The following HSPG2 variants were observed in gnomAD, a reference collection of about 807,000 sequenced individuals.
The protein encoded by HSPG2 is basement membrane-specific heparan sulfate proteoglycan core protein.
HSPG2 carries 278 observed loss-of-function variants against 526.6 expected under a neutral mutation model. The ratio of observed to expected loss-of-function variants is 0.53; its 90% CI spans 0.48 to 0.58. The LOEUF is 0.58. Among genes scored for constraint, HSPG2 ranks in the 20% least tolerant of loss-of-function variants. The probability of loss-of-function intolerance (pLI) is 0.00; values close to 1 mark genes in which losing one functional copy is unlikely to be tolerated. For synonymous variants in HSPG2, 2,465 were observed against 2,555.4 expected, an observed-to-expected ratio of 0.96 and a Z score of 1.07; for missense variants, 5,354 against 6,099.5, an observed-to-expected ratio of 0.88 and a Z score of 4.07.
chr1:21,835,956 C>G (rs1386544076), intron 75 of HSPG2, among the ~76,000 whole-genome samples: 1 of 127,550 alleles, frequency 7.8e-6, no homozygotes, highest in East Asian at 2.2e-4. Flanking sequence ...TGCACTCCAG[C>G]GTGGGTGACA....
intron 42 of HSPG2, 82 bp from the exon 43 acceptor site, chr1:21,857,467 C>T (rs1639432594): frequency 8.3e-7 from 1 of 1,197,686 alleles, no homozygotes. Flanking sequence ...TCCATAACCT[C>T]TAGGCATCAC....
chr1:21,867,101 G>A (rs1301234015), intron 33 of HSPG2, among the ~76,000 whole-genome samples: 3 of 122,246 alleles, frequency 2.5e-5, no homozygotes, highest in Non-Finnish European at 3.3e-5. Context: ...AGATGGGGTC[G>A]CCCTATGTTG....
intron 1 of HSPG2, among the ~76,000 whole-genome samples, chr1:21,926,764 A>C (rs1381918464): frequency 1.9e-5 from 2 of 107,102 alleles, no homozygotes; most frequent in African/African-American, 7.2e-5. Context: ...TCAGTCTCAA[A>C]AAAAAAAAAA....
chr1:21,833,783 G>T, intron 78 of HSPG2, 33 bp downstream of exon 78: 1 of 1,537,496 alleles, frequency 6.5e-7, no homozygotes, highest in Non-Finnish European at 8.9e-7. Flanking sequence ...CAGCCCCCAA[G>T]TCATGCCCGC....
At chr1:21,829,761 CT>C in intron 86 of HSPG2, 157 bp from the exon 87 acceptor site, 1 of 732,270 alleles carries the variant, frequency 1.4e-6, no homozygotes, top group Non-Finnish European at 2.2e-6. Flanking sequence ...AGGAGCCCCC[CT>C]GCCCTTGCAC....
At chr1:21,918,274 G>C (rs1309483601) in intron 1 of HSPG2, among the ~76,000 whole-genome samples, 1 of 152,118 alleles carries the variant, frequency 6.6e-6, no homozygotes, top group Non-Finnish European at 1.5e-5. Flanking sequence ...AGACCAGCCT[G>C]GCCAACATAG....
intron 47 of HSPG2, 79 bp downstream of exon 47, chr1:21,855,225 G>C: frequency 2.0e-6 from 3 of 1,516,724 alleles, no homozygotes; most frequent in Non-Finnish European, 2.7e-6. Flanking sequence ...GGGGTGGGGC[G>C]TGAAGGGGGA....
intron 26 of HSPG2, 54 bp downstream of exon 26, chr1:21,874,837 G>A: frequency 6.5e-7 from 1 of 1,533,264 alleles, no homozygotes; most frequent in South Asian, 1.2e-5. Flanking sequence ...TGGAGAAGGA[G>A]CGGGAAGCAC....
intron 37 of HSPG2, among the ~76,000 whole-genome samples, chr1:21,862,445 A>G (rs548426760): frequency 1.3e-5 from 2 of 152,094 alleles, no homozygotes; most frequent in South Asian, 2.1e-4. Context: ...TTAGCTGGGT[A>G]TGGTGGTGTG....
At position 21,842,339 on chromosome 1, in the gene HSPG2, G is replaced by C. The variant is rs776477776; in HGVS notation, c.8952C>G (p.Ala2984=). ...SQLRLHLVSP[A]DSGEYVCRAA... The stretch of plus-strand genomic sequence containing the variant: ...CACGACACACATACTCGCCTGAGTC[G>C]GCAGGGGAGACGAGGTGGAGCCGCA... The change falls in exon 68 of 97, where the codon GCC becomes GCG. Residue 2984 remains alanine (A), a synonymous_variant. Transcript: ENST00000374695. The C allele has an allele frequency of 5.8e-5, 94 of 1,611,120 alleles. No homozygotes were observed. The highest frequency in any genetic ancestry group is 7.5e-5 in the Non-Finnish European group (88 of 1,178,520).
In HSPG2 at chr1:21,832,588, C is replaced by G. The variant is rs747454683; in HGVS notation, c.11114G>C (p.Gly3705Ala). Reference sequence around the variant, plus strand: ...GGGGCTCCCTGGGACTCGCTTCTGCCCATTGTACAGCAGCATCCCTGGGTG... The same window carrying G: ...GGGGCTCCCTGGGACTCGCTTCTGCGCATTGTACAGCAGCATCCCTGGGTG... The part of the protein sequence containing the change: ...DSADGMLLYN[G>A]QKRVPGSPTN... The change falls in exon 81 of 97, where the codon GGG (glycine) becomes GCG (alanine). Residue 3705 changes from glycine to alanine, a missense_variant. Physicochemically the swap from Gly to Ala is moderately conservative, Grantham distance 60. Coordinates refer to ENST00000374695, the MANE Select transcript of HSPG2 (RefSeq NM_005529.7). The G allele has an allele frequency of 6.2e-7, 1 of 1,614,102 alleles. No individual in the cohort carries two copies. Among genetic ancestry groups the G allele is most frequent in the South Asian group, 1.1e-5 (1 of 91,086 alleles).
rs768946900 is a variant in HSPG2 at position 21,880,820 on chromosome 1, C to A, written c.1834G>T (p.Gly612Cys). ...TAGCGCACGTTGTAACGCAGGGAGC[C>A]GCCATAGGAGTCCACCTGGCACAAC... ...FLGNKVDSYGGSLRYNVRYEL... is the reference protein window; with the variant it reads ...FLGNKVDSYGCSLRYNVRYEL... Residue 612 changes from glycine (G) to cysteine (C), a missense_variant, in exon 15 of 97, where the codon GGC (glycine) becomes TGC (cysteine). Physicochemically the swap from Gly to Cys is radical, Grantham distance 159. Transcript: ENST00000374695. 6.3e-6 allele frequency: 10 copies of A among 1,594,312 alleles called. No homozygotes were observed. The highest frequency in any genetic ancestry group is 5.7e-5 in the South Asian group (5 of 88,014).
chr1:21,873,698 G>A (rs887686446), intron 29 of HSPG2, among the ~76,000 whole-genome samples: 3 of 152,194 alleles, frequency 2.0e-5, no homozygotes, highest in African/African-American at 4.8e-5. Context: ...AGGGGGCCAG[G>A]GGGCTGAAGG....
Position 21,831,601 on chromosome 1 carries a change from G to A in HSPG2, c.11353-39C>T, listed in dbSNP as rs182703231. ...GAAGTCAGGAATGGCAACAGAGGCT[G>A]GGCAAGGGCGGGATGAGGGCTGGAA... On this transcript the variant is annotated intron_variant, in intron 82 of 96. Transcript: ENST00000374695. 14 of 1,613,692 alleles carry A rather than the reference G, an allele frequency of 8.7e-6. No individual in the cohort carries two copies. The African/African-American group carries it at 1.5e-4, about 17-fold the overall frequency.
In HSPG2 at chr1:21,890,354, T is replaced by C; in HGVS notation, c.413+73A>G. The stretch of plus-strand genomic sequence containing the variant: ...GGCCTTTCCGCGGTGCCAGGCTTCC[T>C]TCCCATCCTCATCAGCCCCCTCCAG... On this transcript the variant is annotated intron_variant, in intron 5 of 96. Coordinates refer to ENST00000374695, the MANE Select transcript of HSPG2 (RefSeq NM_005529.7). The surrounding 1 kb of genome is among the most constrained non-coding windows in gnomAD (Gnocchi z 4.1). 1 of 1,485,376 alleles carries C rather than the reference T, an allele frequency of 6.7e-7. No individual in the cohort carries two copies. Among genetic ancestry groups the C allele is most frequent in the Non-Finnish European group, 9.4e-7 (1 of 1,063,690 alleles). 92.0% of individuals were successfully genotyped at this position (1,485,376 alleles called of 1,614,324 possible). A position where few individuals can be genotyped will look rare whatever the true frequency, so the allele number is the denominator to read the frequency against.
intron 56 of HSPG2, 49 bp from the exon 57 acceptor site, chr1:21,850,241 G>A: frequency 6.2e-7 from 1 of 1,612,644 alleles, no homozygotes; most frequent in Non-Finnish European, 8.5e-7. Flanking sequence ...GGTGAGATGA[G>A]ATGGGGCTCC....
chr1:21,832,706 C>T lies in HSPG2; in HGVS notation c.11096-100G>A, dbSNP rs1015460189. The stretch of plus-strand genomic sequence containing the variant: ...CCAAGCTCTTGAGCCTGTCCACTCT[C>T]GGAACCTGTCCCTCCCTCTGGCACT... On this transcript the variant is annotated intron_variant, in intron 80 of 96. Transcript: ENST00000374695. 26 of 837,212 alleles carry T rather than the reference C, an allele frequency of 3.1e-5. No homozygotes were observed. The East Asian group carries it at 3.4e-4, about 11-fold the overall frequency. 51.9% of individuals were successfully genotyped at this position (837,212 alleles called of 1,614,324 possible).
rs998261987 is a variant in HSPG2 at position 21,848,949 on chromosome 1, C to T, written c.7529G>A (p.Gly2510Asp). 6.2e-7 allele frequency: 1 copy of T among 1,613,988 alleles called. No homozygotes were observed. The highest frequency in any genetic ancestry group is 1.1e-5 in the South Asian group (1 of 91,082). Residue 2510 changes from glycine to aspartate, a missense_variant, in exon 58 of 97, where the codon GGT (glycine) becomes GAT (aspartate). Coordinates refer to ENST00000374695, the MANE Select transcript of HSPG2 (RefSeq NM_005529.7). The surrounding 1 kb of genome is among the most constrained non-coding windows in gnomAD (Gnocchi z 4.9). ...EYVCRVVGSS[G>D]TQEASVLVTI... ...GACAAGGACTGAGGCTTCCTGGGTACCTGAGCTGCCGACCACACGGCACAC... is the reference window on the plus strand; with the variant it reads ...GACAAGGACTGAGGCTTCCTGGGTATCTGAGCTGCCGACCACACGGCACAC...
intron 81 of HSPG2, among the ~76,000 whole-genome samples, 185 bp downstream of exon 81, chr1:21,832,310 T>C (rs966981390): frequency 6.6e-6 from 1 of 152,188 alleles, no homozygotes; most frequent in Non-Finnish European, 1.5e-5. Context: ...AAGTCTGAGG[T>C]TGCACCCTCC....
Sources: allele counts gnomAD v4.1 joint callset (sites outside exome capture counted in the v4.1 genomes callset), GRCh38; gene constraint gnomAD v4.1.1; non-coding constraint Gnocchi (gnomAD v3.1); transcripts MANE v1.5; gene names NCBI Gene and HGNC (gene_info 2026-07-23, HGNC 2026-07-21).